The following SRPK2 variants were observed in gnomAD, a reference collection of about 807,000 sequenced individuals.
SRPK2 encodes the protein SRSF protein kinase 2, also known as SFRS protein kinase 2.
SRPK2 carries 21 observed loss-of-function variants against 90.8 expected under a neutral mutation model. That is an observed-to-expected ratio of 0.23 (90% CI 0.16 to 0.33). The LOEUF is 0.33. SRPK2 is among the 10% of genes least tolerant of loss of function. SRPK2 has a pLI of 1.00. For synonymous variants in SRPK2, 288 were observed against 311.1 expected (o/e 0.93, Z 0.78); for missense variants, 620 against 869.0 (o/e 0.71, Z 3.60).
chr7:105,167,906 C>T, intron 5 of SRPK2, 102 bp downstream of exon 5: 1 of 1,013,884 alleles, frequency 9.9e-7, no homozygotes, highest in South Asian at 1.6e-5. Context: ...CCACCGTGCC[C>T]AGCCAAACTT....
intron 3 of SRPK2, among the ~76,000 whole-genome samples, chr7:105,193,350 T>C (rs971664166): frequency 6.6e-6 from 1 of 152,190 alleles, no homozygotes; most frequent in African/African-American, 2.4e-5. Flanking sequence ...TGTAAGTATT[T>C]GGGTTTATTT....
At chr7:105,180,726 C>G (rs1314313327) in intron 3 of SRPK2, among the ~76,000 whole-genome samples, 1 of 152,184 alleles carries the variant, frequency 6.6e-6, no homozygotes, top group Non-Finnish European at 1.5e-5. Context: ...CCACTGCACT[C>G]CAGCCTGGGT....
intron 2 of SRPK2, among the ~76,000 whole-genome samples, chr7:105,312,046 T>G (rs1351640005): frequency 6.6e-6 from 1 of 152,158 alleles, no homozygotes; most frequent in African/African-American, 2.4e-5. Flanking sequence ...TGACAAATGC[T>G]ACAACATGGA....
intron 2 of SRPK2, among the ~76,000 whole-genome samples, chr7:105,285,742 C>T (rs1440704812): frequency 6.6e-6 from 1 of 152,194 alleles, no homozygotes; most frequent in East Asian, 1.9e-4. Flanking sequence ...ATCTAACCAC[C>T]TGCTCTCCCT....
At chr7:105,287,929 CT>C (rs1423019565) in intron 2 of SRPK2, among the ~76,000 whole-genome samples, 1 of 152,042 alleles carries the variant, frequency 6.6e-6, no homozygotes, top group Non-Finnish European at 1.5e-5. Context: ...AAATACATGC[CT>C]TTTGTGGTTA....
chr7:105,389,218 C>G, upstream of SRPK2: 2 of 1,198,618 alleles, frequency 1.7e-6, no homozygotes, highest in South Asian at 1.5e-5. Flanking sequence ...ACCCTCCCTC[C>G]CCGCCGCGGC....
chr7:105,158,229 T>A (rs1806819407), intron 7 of SRPK2, among the ~76,000 whole-genome samples: 1 of 152,034 alleles, frequency 6.6e-6, no homozygotes, highest in Non-Finnish European at 1.5e-5. Flanking sequence ...ATAAAATAAA[T>A]GTCAATGGCT....
At position 105,170,973 on chromosome 7, in the gene SRPK2, GAAAGAGAA is replaced by G. The variant is rs1563027107; in HGVS notation, c.230-1716_230-1709del. 4.4e-4 allele frequency among the ~76,000 whole-genome samples: 31 copies of G among 70,514 alleles called. 6 individuals carry two copies. Among genetic ancestry groups the G allele is most frequent in the African/African-American group, 1.5e-3 (24 of 16,246 alleles). The allele number at this position is 70,514 out of a possible 152,430, so 46.3% of individuals were successfully genotyped here. On this transcript the variant is annotated intron_variant, in intron 3 of 15. Coordinates refer to ENST00000393651, the MANE Select transcript of SRPK2 (RefSeq NM_182692.3). ...AAAGAAAGAAAGAAAGAAAGAGAAA[GAAAGAGAA>G]AGAAAGAAAGAAAGAGAAAGAAAGA...
In SRPK2 at chr7:105,170,918, G is replaced by GAAAGAA. The variant is rs1205991070; in HGVS notation, c.230-1659_230-1654dup. On this transcript the variant is annotated intron_variant, in intron 3 of 15. Transcript: ENST00000393651. ...AAGAAAGAAAGAAAGAAAGAAAGGAGAAAGAAAAAGAAAAAGGAAAGAAAG... is the reference window on the plus strand; with the variant it reads ...AAGAAAGAAAGAAAGAAAGAAAGGAGAAAGAAAAAGAAAAAGAAAAAGGAAAGAAAG... 5.9e-4 allele frequency among the ~76,000 whole-genome samples: 43 copies of GAAAGAA among 73,358 alleles called. 1 individual carries two copies. Among genetic ancestry groups the GAAAGAA allele is most frequent in the African/African-American group, 2.5e-3 (43 of 16,954 alleles). 48.1% of individuals were successfully genotyped at this position (73,358 alleles called of 152,430 possible).
intron 3 of SRPK2, among the ~76,000 whole-genome samples, chr7:105,190,330 G>A (rs1293146765): frequency 3.9e-5 from 6 of 152,056 alleles, no homozygotes; most frequent in Non-Finnish European, 5.9e-5. Flanking sequence ...ATAACACCAC[G>A]GCTGCCATCT....
At chr7:105,280,584 A>C (rs1159097897) in intron 2 of SRPK2, among the ~76,000 whole-genome samples, 1 of 147,428 alleles carries the variant, frequency 6.8e-6, no homozygotes. Context: ...AACAAACTTC[A>C]TTATGTTAAG....
At chr7:105,373,404 CTTTTTTTT>C (rs60572082) in intron 2 of SRPK2, among the ~76,000 whole-genome samples, 2 of 127,448 alleles carry the variant, frequency 1.6e-5, no homozygotes, top group South Asian at 5.0e-4. Flanking sequence ...TTTTCTTTTC[CTTTTTTTT>C]TTTTTTTTGA....
intron 2 of SRPK2, among the ~76,000 whole-genome samples, chr7:105,265,016 T>C (rs1035863523): frequency 3.9e-5 from 6 of 152,222 alleles, no homozygotes; most frequent in South Asian, 2.1e-4. Context: ...ACAAAAATGA[T>C]AGTACGGTAA....
At chr7:105,343,935 G>A (rs963295812) in intron 2 of SRPK2, among the ~76,000 whole-genome samples, 2 of 151,840 alleles carry the variant, frequency 1.3e-5, no homozygotes, top group African/African-American at 4.8e-5. Context: ...GCTAATTTTT[G>A]TATTATTAAT....
At chr7:105,191,987 T>C (rs1794345333) in intron 3 of SRPK2, among the ~76,000 whole-genome samples, 1 of 151,794 alleles carries the variant, frequency 6.6e-6, no homozygotes, top group African/African-American at 2.4e-5. Flanking sequence ...GTGCTAGGAT[T>C]ACAGGTGTAA....
chr7:105,321,063 C>T (rs928197981), intron 2 of SRPK2, among the ~76,000 whole-genome samples: 2 of 152,120 alleles, frequency 1.3e-5, no homozygotes, highest in African/African-American at 4.8e-5. Flanking sequence ...AAACTCCTGA[C>T]CCCAAGTGAT....
rs546657037 is a variant in SRPK2 at position 105,119,008 on chromosome 7, G to A, written c.1916-986C>T. Reference sequence around the variant, plus strand: ...TCTCTGCCTGTTTGAAGTTTTCATAGGACATCCCACCCCTGCCCACAGACC... The same window carrying A: ...TCTCTGCCTGTTTGAAGTTTTCATAAGACATCCCACCCCTGCCCACAGACC... On this transcript the variant is annotated intron_variant, in intron 15 of 15. Coordinates refer to ENST00000393651, the MANE Select transcript of SRPK2 (RefSeq NM_182692.3). Among the ~76,000 whole-genome samples, 7 of 152,078 alleles carry A rather than the reference G, an allele frequency of 4.6e-5. No homozygotes were observed. The South Asian group carries it at 8.3e-4, about 18-fold the overall frequency.
intron 2 of SRPK2, among the ~76,000 whole-genome samples, chr7:105,205,554 CACACACACACACACA>C (rs563363917): frequency 1.4e-5 from 2 of 143,394 alleles, no homozygotes; most frequent in South Asian, 2.1e-4. Flanking sequence ...CACACACACA[CACACACACACACACA>C]CCACTTCCAG....
intron 2 of SRPK2, among the ~76,000 whole-genome samples, chr7:105,343,654 T>C (rs1585799904): frequency 6.6e-6 from 1 of 152,220 alleles, no homozygotes; most frequent in East Asian, 1.9e-4. Context: ...TGCATTTCCA[T>C]TTTAGCACTT....
Sources: allele counts gnomAD v4.1 joint callset (sites outside exome capture counted in the v4.1 genomes callset), GRCh38; gene constraint gnomAD v4.1.1; transcripts MANE v1.5; gene names NCBI Gene and HGNC (gene_info 2026-07-23, HGNC 2026-07-21).